ATP13A4: variants seen among roughly 807,000 people sequenced by gnomAD.
ATP13A4 encodes the protein ATPase 13A4, also known as probable cation-transporting ATPase 13A4.
In ATP13A4, 114 loss-of-function variants were observed where a neutral mutation model predicts 142.5. That is an observed-to-expected ratio of 0.80 (90% CI 0.69 to 0.93). The LOEUF is 0.93. Ranked by LOEUF, ATP13A4 falls within the 40% of genes least tolerant of loss-of-function variation. The pLI, the probability that ATP13A4 is intolerant of heterozygous loss-of-function variation, is 0.00. For missense variants in ATP13A4, 1,392 were observed against 1,454.0 expected, an observed-to-expected ratio of 0.96 and a Z score of 0.69; for synonymous variants, 488 against 514.8, an observed-to-expected ratio of 0.95 and a Z score of 0.70.
intron 17 of ATP13A4, among the ~76,000 whole-genome samples, chr3:193,449,841 C>T (rs182398578): frequency 6.6e-6 from 1 of 152,292 alleles, no homozygotes; most frequent in African/African-American, 2.4e-5. Flanking sequence ...TGCTCCCAGA[C>T]AGACGTGGTG....
In ATP13A4 at chr3:193,462,983, T is replaced by TA. The variant is rs1418019170; in HGVS notation, c.1462-161_1462-160insT. On this transcript the variant is annotated intron_variant, in intron 12 of 29. Transcript: ENST00000342695. ...AACATAATGAAACCACCTCCCTATT[T>TA]TAAAAAAAAAAAAATCCAGTGGCCC... Among the ~76,000 whole-genome samples, 19 of 150,078 alleles carry TA rather than the reference T, an allele frequency of 1.3e-4. 1 individual carries two copies. Among genetic ancestry groups the TA allele is most frequent in the Middle Eastern group, 3.4e-3 (1 of 294 alleles).
chr3:193,549,930 A>G (rs1056947249), intron 1 of ATP13A4, among the ~76,000 whole-genome samples: 3 of 152,264 alleles, frequency 2.0e-5, no homozygotes, highest in African/African-American at 7.2e-5. Context: ...CATGATGCAA[A>G]CAAACGGATG....
intron 1 of ATP13A4, among the ~76,000 whole-genome samples, chr3:193,547,135 C>A (rs78986517): frequency 5.9e-5 from 9 of 152,162 alleles, no homozygotes; most frequent in African/African-American, 2.2e-4. Context: ...CTTCTTAATT[C>A]TATCATTTAA....
intron 1 of ATP13A4, among the ~76,000 whole-genome samples, chr3:193,590,642 C>T (rs547364095): frequency 6.6e-6 from 1 of 152,266 alleles, no homozygotes; most frequent in South Asian, 2.1e-4. Context: ...TCAAGTTAAA[C>T]TATAAACTAC....
chr3:193,418,520 C>A (rs1168158523), intron 25 of ATP13A4, among the ~76,000 whole-genome samples: 1 of 149,462 alleles, frequency 6.7e-6, no homozygotes, highest in African/African-American at 2.5e-5. Context: ...ATACTGGTTT[C>A]TATTATAGTA....
chr3:193,504,020 T>TGTGTGTGTGTGTGTGTGTGAGAGAGAGA (rs1034644341), intron 2 of ATP13A4, among the ~76,000 whole-genome samples: 1 of 144,216 alleles, frequency 6.9e-6, no homozygotes. Context: ...TGTGTGTGTG[T>TGTGTGTGTGTGTGTGTGTGAGAGAGAGA]GAGAGAGAGA....
At chr3:193,435,564 T>G in intron 24 of ATP13A4, 84 bp downstream of exon 24, 1 of 1,092,554 alleles carries the variant, frequency 9.2e-7, no homozygotes, top group Non-Finnish European at 1.4e-6. Flanking sequence ...TTTGTACTCT[T>G]TCTTTGAGAG....
At chr3:193,549,763 T>C (rs1186930477) in intron 1 of ATP13A4, among the ~76,000 whole-genome samples, 1 of 151,950 alleles carries the variant, frequency 6.6e-6, no homozygotes, top group African/African-American at 2.4e-5. Flanking sequence ...GCCTGGGAGG[T>C]TGAGGGTGCG....
intron 8 of ATP13A4, among the ~76,000 whole-genome samples, chr3:193,474,096 G>A (rs966685431): frequency 9.2e-5 from 14 of 151,910 alleles, no homozygotes; most frequent in Admixed American, 6.6e-4. Context: ...GAGGCGGGTG[G>A]ATCATGAGGT....
intron 1 of ATP13A4, among the ~76,000 whole-genome samples, chr3:193,525,449 G>T (rs891251314): frequency 1.3e-5 from 2 of 151,770 alleles, no homozygotes; most frequent in African/African-American, 4.8e-5. Flanking sequence ...TTTATCCCTG[G>T]GTATCATTTG....
In ATP13A4 at chr3:193,409,340, CAT is replaced by C. The variant is rs558650457; in HGVS notation, c.3297+1640_3297+1641del. Among the ~76,000 whole-genome samples the C allele has an allele frequency of 6.9e-3, 1,043 of 150,108 alleles. 6 individuals are homozygous for C. The highest frequency in any genetic ancestry group is 0.011 in the Non-Finnish European group (747 of 67,890). On this transcript the variant is annotated intron_variant, in intron 28 of 29. Coordinates refer to ENST00000342695, the MANE Select transcript of ATP13A4 (RefSeq NM_032279.4). ...CATTCTACATTTTCTAAAAAGAACA[CAT>C]ATTTTTATGTAATAATAAGAAAAAT... is the stretch of plus-strand genomic sequence containing the variant.
chr3:193,482,172 T>C (rs1719332697), intron 8 of ATP13A4, among the ~76,000 whole-genome samples: 1 of 152,090 alleles, frequency 6.6e-6, no homozygotes, highest in Admixed American at 6.5e-5. Flanking sequence ...TGACAAAAGA[T>C]GAAAACTCAA....
At chr3:193,544,278 T>C (rs989840978) in intron 1 of ATP13A4, among the ~76,000 whole-genome samples, 29 of 152,204 alleles carry the variant, frequency 1.9e-4, no homozygotes, top group African/African-American at 6.3e-4. Context: ...TTCACTATTC[T>C]GAAACCAGGA....
Position 193,438,770 on chromosome 3 carries a change from A to G in ATP13A4, c.2563-186T>C, listed in dbSNP as rs544386384. Among the ~76,000 whole-genome samples the G allele has an allele frequency of 1.2e-4, 18 of 152,276 alleles. No homozygotes were observed. The South Asian group carries it at 3.5e-3, about 30-fold the overall frequency. ...TAGGATACCTAGCCAAAGAAATGAG[A>G]ACTCCAGAACCAAATTCTACTCTGT... On this transcript the variant is annotated intron_variant, in intron 22 of 29. Transcript: ENST00000342695.
chr3:193,441,626 T>C, intron 19 of ATP13A4, 38 bp from the exon 20 acceptor site: 1 of 1,605,406 alleles, frequency 6.2e-7, no homozygotes, highest in Non-Finnish European at 8.5e-7. Flanking sequence ...ACTCTTTCAT[T>C]TGACAGAGTG....
chr3:193,588,758 A>C (rs994014000), intron 1 of ATP13A4, among the ~76,000 whole-genome samples: 2 of 152,116 alleles, frequency 1.3e-5, no homozygotes, highest in Non-Finnish European at 2.9e-5. Flanking sequence ...ACTACCTCAC[A>C]TTAATGTTTA....
chr3:193,406,163 A>C (rs1714480522), intron 29 of ATP13A4, among the ~76,000 whole-genome samples: 1 of 152,180 alleles, frequency 6.6e-6, no homozygotes, highest in African/African-American at 2.4e-5. Context: ...TGTTTTAATA[A>C]GCCTCCCAGG....
intron 1 of ATP13A4, among the ~76,000 whole-genome samples, chr3:193,582,639 T>A (rs1560290874): frequency 7.1e-5 from 6 of 84,974 alleles, no homozygotes; most frequent in African/African-American, 3.6e-4. Context: ...ACATACATTA[T>A]ATATGTATAT....
intron 8 of ATP13A4, among the ~76,000 whole-genome samples, chr3:193,474,322 C>CAAAAAAAAAAAAAAAAAAAAAAAAAAA (rs1176133187): frequency 1.4e-5 from 1 of 69,090 alleles, no homozygotes; most frequent in Non-Finnish European, 2.8e-5. Context: ...GACTCCGTCT[C>CAAAAAAAAAAAAAAAAAAAAAAAAAAA]AAAAAAAAAA....
Sources: allele counts gnomAD v4.1 joint callset (sites outside exome capture counted in the v4.1 genomes callset), GRCh38; gene constraint gnomAD v4.1.1; transcripts MANE v1.5; gene names NCBI Gene and HGNC (gene_info 2026-07-23, HGNC 2026-07-21).